ADAM9: variants seen among roughly 807,000 people sequenced by gnomAD.
ADAM9 encodes disintegrin and metalloproteinase domain-containing protein 9.
A neutral mutation model predicts 108.1 loss-of-function variants in ADAM9; 54 were observed. The observed-to-expected ratio is 0.50, with a 90% CI of 0.40 to 0.63. ADAM9 has a LOEUF of 0.63. Ranked by LOEUF, ADAM9 falls within the 20% of genes least tolerant of loss-of-function variation. The probability of loss-of-function intolerance (pLI) is 0.00; values close to 1 mark genes in which losing one functional copy is unlikely to be tolerated. For synonymous variants in ADAM9, 316 were observed against 336.0 expected (o/e 0.94, Z 0.65); for missense variants, 830 against 997.7 (o/e 0.83, Z 2.26).
intron 20 of ADAM9, among the ~76,000 whole-genome samples, chr8:39,099,388 C>G (rs1839612754): frequency 6.6e-6 from 1 of 152,154 alleles, no homozygotes; most frequent in Non-Finnish European, 1.5e-5. Flanking sequence ...CCAAGTGTTT[C>G]AAAATACCTT....
At chr8:39,025,568 A>T (rs1836894171) in intron 9 of ADAM9, among the ~76,000 whole-genome samples, 1 of 152,230 alleles carries the variant, frequency 6.6e-6, no homozygotes. Flanking sequence ...TTCACCTAGA[A>T]GGTAAAAAGA....
chr8:39,037,801 C>T (rs1837334141), intron 11 of ADAM9, among the ~76,000 whole-genome samples: 1 of 152,160 alleles, frequency 6.6e-6, no homozygotes, highest in African/African-American at 2.4e-5. Context: ...AATTACAAGC[C>T]TCTGTTTAAA....
chr8:39,026,993 G>A (rs1306169488), intron 11 of ADAM9, among the ~76,000 whole-genome samples, 183 bp downstream of exon 11: 1 of 151,572 alleles, frequency 6.6e-6, no homozygotes, highest in African/African-American at 2.4e-5. Flanking sequence ...TTAGATTTAG[G>A]GGGTACATGT....
rs116071979 is a variant in ADAM9 at position 39,029,237 on chromosome 8, G to A, written c.1130+2427G>A. On this transcript the variant is annotated intron_variant, in intron 11 of 21. Transcript: ENST00000487273. ...TACTGGATCTTGGAGAGTCTCTGTA[G>A]CCACAGGGGAGACTGACCCCATAGG... Among the ~76,000 whole-genome samples, 698 of 151,058 alleles carry A rather than the reference G, an allele frequency of 4.6e-3. 8 individuals carry two copies. The highest frequency in any genetic ancestry group is 0.016 in the African/African-American group (664 of 41,140).
intron 14 of ADAM9, among the ~76,000 whole-genome samples, chr8:39,062,078 C>T (rs1838317654): frequency 2.0e-5 from 3 of 152,162 alleles, no homozygotes; most frequent in African/African-American, 2.4e-5. Context: ...TCCCACCTAA[C>T]TCTGATTACC....
At chr8:39,079,773 C>T (rs752212974) in intron 16 of ADAM9, among the ~76,000 whole-genome samples, 4 of 152,012 alleles carry the variant, frequency 2.6e-5, no homozygotes, top group Admixed American at 2.6e-4. Flanking sequence ...TTAGTAGAGA[C>T]GGGGTTTCGC....
chr8:39,096,200 G>A (rs1839499999), intron 20 of ADAM9, among the ~76,000 whole-genome samples: 1 of 133,536 alleles, frequency 7.5e-6, no homozygotes, highest in Non-Finnish European at 1.7e-5. Flanking sequence ...ATCACCTCAA[G>A]GATTTATCAT....
intron 2 of ADAM9, among the ~76,000 whole-genome samples, chr8:39,009,482 A>G (rs775051408): frequency 7.2e-5 from 11 of 152,116 alleles, no homozygotes; most frequent in African/African-American, 9.7e-5. Context: ...CAAGTGATCC[A>G]CCTGCTTCAG....
chr8:39,045,254 GTGTATATATGTGTATACATACATA>G (rs1564299182), intron 12 of ADAM9, among the ~76,000 whole-genome samples: 1 of 139,166 alleles, frequency 7.2e-6, no homozygotes, highest in Non-Finnish European at 1.6e-5. Context: ...ATACATATAT[GTGTATATATGTGTATACATACATA>G]TGTATATGTG....
At chr8:39,021,577 C>A in intron 7 of ADAM9, 66 bp from the exon 8 acceptor site, 1 of 1,439,396 alleles carries the variant, frequency 6.9e-7, no homozygotes, top group Non-Finnish European at 9.8e-7. Context: ...AGGTACTGCA[C>A]CCGGCCTTAC....
At chr8:39,053,376 A>G (rs568417507) in intron 12 of ADAM9, among the ~76,000 whole-genome samples, 3 of 152,076 alleles carry the variant, frequency 2.0e-5, no homozygotes, top group Non-Finnish European at 2.9e-5. Context: ...TTGGTGTCCT[A>G]TCTAAGGACT....
At position 39,052,542 on chromosome 8, in the gene ADAM9, C is replaced by A. The variant is rs115682009; in HGVS notation, c.1303-1939C>A. 8.2e-3 allele frequency among the ~76,000 whole-genome samples: 1,244 copies of A among 152,068 alleles called. 19 individuals are homozygous for A. Among genetic ancestry groups the A allele is most frequent in the African/African-American group, 0.029 (1,189 of 41,496 alleles). The stretch of plus-strand genomic sequence containing the variant: ...GTTTTTAGTATTCCTATATATAGAT[C>A]ATCATCATAGCCCCTCTACAAATTA... On this transcript the variant is annotated intron_variant, in intron 12 of 21. Coordinates refer to ENST00000487273, the MANE Select transcript of ADAM9 (RefSeq NM_003816.3).
intron 18 of ADAM9, among the ~76,000 whole-genome samples, chr8:39,087,812 A>T (rs1353047013): frequency 6.6e-6 from 1 of 152,186 alleles, no homozygotes; most frequent in East Asian, 1.9e-4. Flanking sequence ...AACAATGCAA[A>T]GGTTAGGGGC....
chr8:39,012,102 C>T (rs982015453), intron 3 of ADAM9, among the ~76,000 whole-genome samples: 3 of 152,300 alleles, frequency 2.0e-5, no homozygotes, highest in Non-Finnish European at 4.4e-5. Context: ...GGATATAATG[C>T]ATCAGGACAA....
chr8:39,074,864 C>A (rs552298981), intron 15 of ADAM9, among the ~76,000 whole-genome samples: 2 of 147,926 alleles, frequency 1.4e-5, no homozygotes, highest in Admixed American at 6.7e-5. Context: ...ATGTCTCTAT[C>A]ATCCGAATTT....
intron 11 of ADAM9, among the ~76,000 whole-genome samples, chr8:39,041,361 A>G (rs1837451643): frequency 6.6e-6 from 1 of 152,218 alleles, no homozygotes; most frequent in Admixed American, 6.5e-5. Context: ...TTATCATAAA[A>G]TTTATTATAT....
chr8:39,071,977 C>A (rs932617908), intron 15 of ADAM9, among the ~76,000 whole-genome samples: 3 of 152,092 alleles, frequency 2.0e-5, no homozygotes, highest in Non-Finnish European at 4.4e-5. Flanking sequence ...ATAAGAACCC[C>A]AACTAAACAC....
chr8:39,061,880 A>G (rs1367809645), intron 14 of ADAM9, among the ~76,000 whole-genome samples: 1 of 152,168 alleles, frequency 6.6e-6, no homozygotes, highest in Admixed American at 6.5e-5. Flanking sequence ...AGACATTTAA[A>G]CCATATCTGG....
Position 39,104,511 on chromosome 8 carries a change from A to ATGT in ADAM9, c.*814_*816dup, listed in dbSNP as rs1316647458. On this transcript the variant is annotated 3_prime_UTR_variant, in exon 22 of 22. Transcript: ENST00000487273. ...AAGTATTTAATAGATCTAATCAAAT[A>ATGT]TGTTGATTCATGGCTATAATAAAGC... The ATGT allele has an allele frequency of 1.0e-5, 4 of 381,782 alleles. No individual in the cohort carries two copies. The highest frequency in any genetic ancestry group is 7.2e-5 in the East Asian group (1 of 13,924). The allele number at this position is 381,782 out of a possible 1,614,324, so 23.6% of individuals were successfully genotyped here. A position where few individuals can be genotyped will look rare whatever the true frequency, so the allele number is the denominator to read the frequency against.
Sources: allele counts gnomAD v4.1 joint callset (sites outside exome capture counted in the v4.1 genomes callset), GRCh38; gene constraint gnomAD v4.1.1; transcripts MANE v1.5; gene names NCBI Gene and HGNC (gene_info 2026-07-23, HGNC 2026-07-21).